GABRB3: variants seen among roughly 807,000 people sequenced by gnomAD.
GABRB3 encodes the protein gamma-aminobutyric acid receptor subunit beta-3.
In GABRB3, 14 loss-of-function variants were observed where a neutral mutation model predicts 52.1. The observed-to-expected ratio is 0.27, with a 90% confidence interval of 0.18 to 0.42. The LOEUF is 0.42. GABRB3 is among the 10% of genes least tolerant of loss of function. The pLI, the probability that GABRB3 is intolerant of heterozygous loss-of-function variation, is 1.00. For synonymous variants in GABRB3, 260 were observed against 232.3 expected, an observed-to-expected ratio of 1.12 and a Z score of -1.08; for missense variants, 307 against 609.1, an observed-to-expected ratio of 0.50 and a Z score of 5.22.
At chr15:26,578,004 C>A (rs1425652518) in intron 6 of GABRB3, among the ~76,000 whole-genome samples, 1 of 152,178 alleles carries the variant, frequency 6.6e-6, no homozygotes, top group South Asian at 2.1e-4. Context: ...ACAGGCTGGG[C>A]AGGAACCCCT....
intron 3 of GABRB3, among the ~76,000 whole-genome samples, chr15:26,698,048 T>C (rs189915185): frequency 6.6e-6 from 1 of 152,352 alleles, no homozygotes; most frequent in Admixed American, 6.5e-5. Flanking sequence ...AGCAAGCCTC[T>C]GTGAATCATG....
chr15:26,764,187 T>A (rs1890927995), intron 3 of GABRB3, among the ~76,000 whole-genome samples: 5 of 4,190 alleles, frequency 1.2e-3, no homozygotes, highest in Admixed American at 7.6e-3. Flanking sequence ...AAAATATATA[T>A]ATATATATAT....
rs1435882880 is a variant in GABRB3 at position 26,764,217 on chromosome 15, T to A, written c.240+8185A>T. Among the ~76,000 whole-genome samples, 9 of 81,074 alleles carry A rather than the reference T, an allele frequency of 1.1e-4. 1 individual carries two copies. In the South Asian group the frequency reaches 1.7e-3, roughly 16 times the overall value. The allele number at this position is 81,074 out of a possible 152,430, so 53.2% of individuals were successfully genotyped here. Reference sequence around the variant, plus strand: ...ATATATATATATATATATATATATATATATATATATATATATATAGTGTCA... The same window carrying A: ...ATATATATATATATATATATATATAAATATATATATATATATATAGTGTCA... On this transcript the variant is annotated intron_variant, in intron 3 of 8. Coordinates refer to ENST00000311550, the MANE Select transcript of GABRB3 (RefSeq NM_000814.6).
chr15:26,623,925 C>G lies in GABRB3; in HGVS notation c.241-2391G>C, dbSNP rs1892582384. ...GCTCCAGAACTGGAAGGAACACACTCTCCTCTCAATGGCAGTTGTGTCCTG... is the reference window on the plus strand; with the variant it reads ...GCTCCAGAACTGGAAGGAACACACTGTCCTCTCAATGGCAGTTGTGTCCTG... On this transcript the variant is annotated intron_variant, in intron 3 of 8. Coordinates refer to ENST00000311550, the MANE Select transcript of GABRB3 (RefSeq NM_000814.6). Among the ~76,000 whole-genome samples, 6 of 152,216 alleles carry G rather than the reference C, an allele frequency of 3.9e-5. No homozygotes were observed. In the South Asian group the frequency reaches 1.0e-3, roughly 26 times the overall value.
intron 3 of GABRB3, among the ~76,000 whole-genome samples, chr15:26,696,244 T>C (rs944803040): frequency 3.3e-5 from 5 of 152,216 alleles, no homozygotes; most frequent in African/African-American, 1.2e-4. Flanking sequence ...TTATTTTTTT[T>C]TATTTTAATA....
chr15:26,602,338 A>G (rs1195864747), intron 4 of GABRB3, among the ~76,000 whole-genome samples: 1 of 152,204 alleles, frequency 6.6e-6, no homozygotes, highest in Non-Finnish European at 1.5e-5. Context: ...CATGTTCAGC[A>G]TTGGACAAAT....
chr15:26,578,821 A>G (rs1327174699), intron 6 of GABRB3, among the ~76,000 whole-genome samples: 1 of 152,230 alleles, frequency 6.6e-6, no homozygotes, highest in East Asian at 1.9e-4. Context: ...ACCCAGTTTT[A>G]GAAGTAACAT....
intron 3 of GABRB3, among the ~76,000 whole-genome samples, chr15:26,680,834 C>T (rs1318151070): frequency 6.6e-6 from 1 of 152,132 alleles, no homozygotes; most frequent in Non-Finnish European, 1.5e-5. Context: ...CTTTTTGAGG[C>T]CCCAGAGAGG....
intron 7 of GABRB3, among the ~76,000 whole-genome samples, chr15:26,566,837 T>C (rs1386306623): frequency 6.6e-6 from 1 of 152,204 alleles, no homozygotes; most frequent in Non-Finnish European, 1.5e-5. Context: ...TCCATCAATT[T>C]TTATAAGTAC....
chr15:26,565,335 A>G (rs1890127868), intron 7 of GABRB3, among the ~76,000 whole-genome samples: 1 of 152,170 alleles, frequency 6.6e-6, no homozygotes, highest in South Asian at 2.1e-4. Context: ...TCATACTCTG[A>G]GAGCTGGATC....
chr15:26,649,864 G>C (rs1350617621), intron 3 of GABRB3, among the ~76,000 whole-genome samples: 4 of 152,080 alleles, frequency 2.6e-5, no homozygotes, highest in Non-Finnish European at 5.9e-5. Context: ...TTTAATTTCA[G>C]TCTTTAATAA....
intron 4 of GABRB3, chr15:26,615,483 T>A (rs1566775570): frequency 1.0e-6 from 1 of 979,484 alleles, no homozygotes; most frequent in African/African-American, 1.8e-5. Context: ...ACAAGAGTCA[T>A]GGGAAAAATG....
rs951938254 is a variant in GABRB3 at position 26,725,463 on chromosome 15, T to C, written c.240+46939A>G. ...TCTGCATCATCCTCCACACACCACA[T>C]TGGACAAAAGCGCCAATGTTACTTG... On this transcript the variant is annotated intron_variant, in intron 3 of 8. Transcript: ENST00000311550. Among the ~76,000 whole-genome samples, 11 of 152,310 alleles carry C rather than the reference T, an allele frequency of 7.2e-5. No homozygotes were observed. The South Asian group carries it at 1.7e-3, about 23-fold the overall frequency.
intron 3 of GABRB3, among the ~76,000 whole-genome samples, chr15:26,713,645 T>A (rs1889374017): frequency 6.6e-6 from 1 of 152,336 alleles, no homozygotes; most frequent in African/African-American, 2.4e-5. Context: ...CAGGCAATGC[T>A]GGCACAGGAA....
intron 3 of GABRB3, among the ~76,000 whole-genome samples, chr15:26,717,738 T>C (rs1257483134): frequency 6.6e-6 from 1 of 152,154 alleles, no homozygotes; most frequent in Admixed American, 6.5e-5. Flanking sequence ...ATATTTTTCT[T>C]CCCTCCCATT....
chr15:26,602,973 A>G (rs1306636898), intron 4 of GABRB3, among the ~76,000 whole-genome samples: 1 of 152,008 alleles, frequency 6.6e-6, no homozygotes, highest in East Asian at 1.9e-4. Context: ...CAATGAAACT[A>G]AAAGTTTTTT....
At chr15:26,622,975 T>G (rs780928297) in intron 3 of GABRB3, among the ~76,000 whole-genome samples, 1 of 152,198 alleles carries the variant, frequency 6.6e-6, no homozygotes, top group Non-Finnish European at 1.5e-5. Context: ...AGGCAGCATT[T>G]AAGCAGATGA....
intron 3 of GABRB3, among the ~76,000 whole-genome samples, chr15:26,678,157 T>G (rs1485718044): frequency 6.6e-6 from 1 of 152,154 alleles, no homozygotes; most frequent in Non-Finnish European, 1.5e-5. Flanking sequence ...TTGAGACATC[T>G]TCATAAGACC....
At chr15:26,629,069 A>G (rs1321214084) in intron 3 of GABRB3, 21 of 1,536,048 alleles carry the variant, frequency 1.4e-5, no homozygotes, top group African/African-American at 2.7e-5. Flanking sequence ...AGCCTCCGCC[A>G]CGCTAACCGG....
Sources: allele counts gnomAD v4.1 joint callset (sites outside exome capture counted in the v4.1 genomes callset), GRCh38; gene constraint gnomAD v4.1.1; transcripts MANE v1.5; gene names NCBI Gene and HGNC (gene_info 2026-07-23, HGNC 2026-07-21).